Variants in KRABD3 observed in about 807,000 individuals in gnomAD.
The protein encoded by KRABD3 is KRAB domain containing 3.
chr7:149,722,177 G>T, the KRABD3 span: 1 of 547,244 alleles, frequency 1.8e-6, no homozygotes, highest in Non-Finnish European at 3.3e-6. Context: ...AAGGCTGCCG[G>T]CATCACTTCC....
the KRABD3 span, chr7:149,723,694 AC>A: frequency 2.5e-6 from 4 of 1,595,952 alleles, no homozygotes; most frequent in Non-Finnish European, 3.4e-6. Context: ...AAGGCTGAGG[AC>A]ACTGAGCTCC....
the KRABD3 span, chr7:149,729,187 G>T: frequency 6.6e-7 from 1 of 1,515,442 alleles, no homozygotes; most frequent in Non-Finnish European, 8.8e-7. Flanking sequence ...CATTAAAACA[G>T]GACTGAGGGC....
At chr7:149,716,448 C>T in the KRABD3 span, among the ~76,000 whole-genome samples, 42,352 of 152,146 alleles carry the variant, frequency 0.28, 7,490 homozygotes, top group African/African-American at 0.5. Context: ...TGGTGGCCTT[C>T]CTCCTCCCGA....
At chr7:149,722,480 G>GCCCCCCCCCCCCCC in the KRABD3 span, 1 of 1,528,726 alleles carries the variant, frequency 6.5e-7, no homozygotes, top group Middle Eastern at 1.8e-4. Flanking sequence ...TGGGCGGGGA[G>GCCCCCCCCCCCCCC]CCCAGCCCTC....
the KRABD3 span, chr7:149,720,852 A>G: frequency 6.3e-7 from 1 of 1,596,752 alleles, no homozygotes; most frequent in South Asian, 1.1e-5. Flanking sequence ...GCCCCGGCAC[A>G]GCCTGCACCT....
chr7:149,715,084 GC>G, the KRABD3 span: 2 of 1,230,812 alleles, frequency 1.6e-6, no homozygotes, highest in Non-Finnish European at 2.0e-6. Flanking sequence ...AGGCGGACGC[GC>G]GGACCCCTCG....
the KRABD3 span, chr7:149,726,123 G>T: frequency 6.8e-7 from 1 of 1,466,872 alleles, no homozygotes; most frequent in East Asian, 2.4e-5. Flanking sequence ...CCCTTGCCCA[G>T]TCCCTCTGGC....
chr7:149,719,607 A>C, the KRABD3 span: 1 of 1,598,042 alleles, frequency 6.3e-7, no homozygotes, highest in Admixed American at 1.7e-5. This position sits in a 1 kb window ranked among gnomAD's most constrained non-coding sequence, Gnocchi z 5.6. Context: ...CGGCTCCTGG[A>C]GGAGGGGCAG....
chr7:149,721,262 A>G, the KRABD3 span: 2 of 1,263,526 alleles, frequency 1.6e-6, no homozygotes, highest in African/African-American at 1.5e-5. Context: ...ATGACAACAC[A>G]TAGGTGGCTG....
At chr7:149,724,603 G>C in the KRABD3 span, 49 of 1,356,430 alleles carry the variant, frequency 3.6e-5, no homozygotes, top group African/African-American at 7.0e-4. Context: ...GGATTCTCAG[G>C]GTGAGTCCAG....
the KRABD3 span, among the ~76,000 whole-genome samples, chr7:149,720,599 C>A: frequency 1.6e-4 from 25 of 152,216 alleles, no homozygotes; most frequent in Non-Finnish European, 3.2e-4. Flanking sequence ...TAATGAGTAA[C>A]GTAGAACAGA....
At chr7:149,730,382 A>C in the KRABD3 span, 31 of 1,556,472 alleles carry the variant, frequency 2.0e-5, no homozygotes, top group Middle Eastern at 3.3e-4. Flanking sequence ...GATGTGTGCC[A>C]GGGCGCCAGT....
chr7:149,722,141 G>T, the KRABD3 span: 7 of 486,364 alleles, frequency 1.4e-5, no homozygotes, highest in Non-Finnish European at 2.6e-5. Context: ...TGAGAAGCGT[G>T]AGTGTGAGAT....
At chr7:149,717,361 C>A in the KRABD3 span, among the ~76,000 whole-genome samples, 1 of 152,244 alleles carries the variant, frequency 6.6e-6, no homozygotes, top group East Asian at 1.9e-4. Flanking sequence ...GGAAGCCAGC[C>A]TGAGCCCTCC....
At chr7:149,730,820 G>T in the KRABD3 span, 3 of 546,450 alleles carry the variant, frequency 5.5e-6, no homozygotes, top group Non-Finnish European at 9.8e-6. Flanking sequence ...GTTTGCGCTT[G>T]CTAATATACA....
At chr7:149,728,723 G>A in the KRABD3 span, 1 of 1,592,676 alleles carries the variant, frequency 6.3e-7, no homozygotes, top group Non-Finnish European at 8.6e-7. Context: ...CTGCTCTGAG[G>A]ATGCCCTAGG....
At chr7:149,727,323 AG>A in the KRABD3 span, among the ~76,000 whole-genome samples, 2 of 152,242 alleles carry the variant, frequency 1.3e-5, no homozygotes, top group Non-Finnish European at 2.9e-5. Flanking sequence ...CAGTGTCCAC[AG>A]CAGCCTGAAT....
At chr7:149,733,664 TC>T in the KRABD3 span, 1 of 1,588,016 alleles carries the variant, frequency 6.3e-7, no homozygotes, top group Non-Finnish European at 8.6e-7. Context: ...GCAAGGACTC[TC>T]CAGAGGGACC....
chr7:149,727,303 T>A, the KRABD3 span, among the ~76,000 whole-genome samples: 1 of 152,252 alleles, frequency 6.6e-6, no homozygotes, highest in African/African-American at 2.4e-5. Context: ...AGAACAGGCC[T>A]GGGGCCTGCC....
Sources: gnomAD v4.1 joint callset for allele counts (sites outside exome capture counted in the v4.1 genomes callset) on GRCh38, gnomAD v4.1.1 for gene constraint, Gnocchi (gnomAD v3.1) non-coding constraint, MANE v1.5 for transcripts, NCBI Gene and HGNC (gene_info 2026-07-23, HGNC 2026-07-21) for gene names.